RASGRF2: variants seen among roughly 807,000 people sequenced by gnomAD.
The protein encoded by RASGRF2 is ras-specific guanine nucleotide-releasing factor 2.
RASGRF2 carries 76 observed loss-of-function variants against 151.0 expected under a neutral mutation model. That is an observed-to-expected ratio of 0.50 (90% CI 0.42 to 0.61). The LOEUF (loss-of-function observed/expected upper bound fraction) is 0.61. Among genes scored for constraint, RASGRF2 ranks in the 20% least tolerant of loss-of-function variants. The probability of loss-of-function intolerance (pLI) is 0.00; values close to 1 mark genes in which losing one functional copy is unlikely to be tolerated. For synonymous variants in RASGRF2, 504 were observed against 566.5 expected (o/e 0.89, Z 1.57); for missense variants, 1,148 against 1,564.6 (o/e 0.73, Z 4.49).
rs143787281 is a variant in RASGRF2, at chr5:81,063,651, G to A, written c.396-4381G>A. On this transcript the variant is annotated intron_variant, in intron 2 of 26. Coordinates refer to ENST00000265080, the MANE Select transcript of RASGRF2 (RefSeq NM_006909.3). ...TTGGATCTATACTCTAGGTTACTCA[G>A]TTTTCCTTTTATATTTCCAATCTCT... Among the ~76,000 whole-genome samples, 140 of 152,102 alleles carry A rather than the reference G, an allele frequency of 9.2e-4. 2 individuals carry two copies. The East Asian group carries it at 0.022, about 24-fold the overall frequency.
intron 1 of RASGRF2, among the ~76,000 whole-genome samples, chr5:80,970,478 T>G (rs912107866): frequency 6.6e-6 from 1 of 152,176 alleles, no homozygotes; most frequent in African/African-American, 2.4e-5. Flanking sequence ...CTTTGGATAT[T>G]GCTGCTGGCC....
chr5:81,215,267 C>CTTTTT (rs772223510), intron 23 of RASGRF2, among the ~76,000 whole-genome samples: 6 of 119,784 alleles, frequency 5.0e-5, no homozygotes, highest in Admixed American at 9.0e-5. Flanking sequence ...AATATAGAAT[C>CTTTTT]TTTTTTTTTT....
At chr5:80,971,903 T>C (rs1283100305) in intron 1 of RASGRF2, among the ~76,000 whole-genome samples, 1 of 150,992 alleles carries the variant, frequency 6.6e-6, no homozygotes, top group East Asian at 1.9e-4. Flanking sequence ...TATTTTATTT[T>C]TTATTTTTTT....
At chr5:80,987,882 T>A (rs1437822746) in intron 1 of RASGRF2, among the ~76,000 whole-genome samples, 1 of 152,170 alleles carries the variant, frequency 6.6e-6, no homozygotes, top group Non-Finnish European at 1.5e-5. Context: ...ATCCAAGCAT[T>A]ATTTTCTTAG....
intron 2 of RASGRF2, among the ~76,000 whole-genome samples, chr5:81,056,450 C>A (rs2112426070): frequency 6.6e-6 from 1 of 152,286 alleles, no homozygotes; most frequent in African/African-American, 2.4e-5. Context: ...GAGTGAGTTT[C>A]TTAATCCTGA....
intron 17 of RASGRF2, among the ~76,000 whole-genome samples, chr5:81,167,102 C>T (rs925629546): frequency 6.6e-6 from 1 of 152,180 alleles, no homozygotes; most frequent in African/African-American, 2.4e-5. Flanking sequence ...CCACACTGAG[C>T]TGTTAGCACC....
chr5:81,172,468 T>TGC (rs1754680475), intron 17 of RASGRF2, among the ~76,000 whole-genome samples: 1 of 151,546 alleles, frequency 6.6e-6, no homozygotes, highest in Non-Finnish European at 1.5e-5. Flanking sequence ...TGTGTGTGTG[T>TGC]GTGTGTTTAT....
intron 1 of RASGRF2, among the ~76,000 whole-genome samples, chr5:80,969,963 A>T (rs1217991278): frequency 2.0e-5 from 3 of 151,354 alleles, no homozygotes; most frequent in Non-Finnish European, 4.4e-5. Context: ...AGTAGCTGGG[A>T]TTACAGGCAT....
chr5:81,170,867 T>C (rs1754642815), intron 17 of RASGRF2, among the ~76,000 whole-genome samples: 1 of 152,146 alleles, frequency 6.6e-6, no homozygotes, highest in Non-Finnish European at 1.5e-5. Flanking sequence ...AAAAGAAAAC[T>C]CCTACCCATT....
At chr5:80,987,331 G>A (rs939665305) in intron 1 of RASGRF2, among the ~76,000 whole-genome samples, 2 of 152,136 alleles carry the variant, frequency 1.3e-5, no homozygotes, top group African/African-American at 2.4e-5. Flanking sequence ...AAGTCCTTGC[G>A]GGCAGGAACC....
chr5:81,149,953 G>T (rs888390594), intron 17 of RASGRF2, among the ~76,000 whole-genome samples: 1 of 152,184 alleles, frequency 6.6e-6, no homozygotes, highest in African/African-American at 2.4e-5. Flanking sequence ...GGAGGATACA[G>T]TTAGGAAGCT....
chr5:81,142,952 C>G (rs1753918973), intron 17 of RASGRF2, among the ~76,000 whole-genome samples: 1 of 151,976 alleles, frequency 6.6e-6, no homozygotes, highest in Non-Finnish European at 1.5e-5. Context: ...GTAAATTGCT[C>G]TCAGGATGTG....
rs953230719 is a variant in RASGRF2, at chr5:80,970,909, T to G, written c.288+9883T>G. 3.3e-5 allele frequency among the ~76,000 whole-genome samples: 5 copies of G among 152,298 alleles called. No homozygotes were observed. The South Asian group carries it at 1.0e-3, about 32-fold the overall frequency. On this transcript the variant is annotated intron_variant, in intron 1 of 26. Coordinates refer to ENST00000265080, the MANE Select transcript of RASGRF2 (RefSeq NM_006909.3). ...ACATTCTCTTCCTTCAGTAGCAGTT[T>G]TACATCCTCACCTTATCAACAAGAT...
intron 18 of RASGRF2, among the ~76,000 whole-genome samples, chr5:81,193,845 A>G (rs2112699425): frequency 6.6e-6 from 1 of 152,302 alleles, no homozygotes; most frequent in South Asian, 2.1e-4. Context: ...CAAGAGGTTG[A>G]GTGGTTAGAA....
At chr5:81,164,112 A>T (rs1754451178) in intron 17 of RASGRF2, among the ~76,000 whole-genome samples, 1 of 152,218 alleles carries the variant, frequency 6.6e-6, no homozygotes, top group African/African-American at 2.4e-5. Context: ...TGTTAGCTAT[A>T]AAATAATTAT....
intron 17 of RASGRF2, among the ~76,000 whole-genome samples, chr5:81,164,791 G>A (rs932024722): frequency 2.4e-4 from 36 of 152,172 alleles, no homozygotes; most frequent in Admixed American, 6.5e-4. Flanking sequence ...TGTAGAGGGA[G>A]GAATGATGAA....
chr5:81,207,416 C>A, intron 21 of RASGRF2, 67 bp downstream of exon 21: 1 of 1,372,910 alleles, frequency 7.3e-7, no homozygotes, highest in South Asian at 1.2e-5. Context: ...GACATTATTC[C>A]TAAGGCAGGT....
chr5:81,063,443 C>T (rs1174942152), intron 2 of RASGRF2, among the ~76,000 whole-genome samples: 1 of 152,110 alleles, frequency 6.6e-6, no homozygotes, highest in Non-Finnish European at 1.5e-5. Context: ...GACAGAGTTT[C>T]ACCATGTTGG....
chr5:81,034,069 C>T (rs1334903461), intron 1 of RASGRF2, among the ~76,000 whole-genome samples: 1 of 152,154 alleles, frequency 6.6e-6, no homozygotes, highest in African/African-American at 2.4e-5. Flanking sequence ...CACTGGCCAA[C>T]AGAGAAATGC....
Sources: gnomAD v4.1 joint callset for allele counts (sites outside exome capture counted in the v4.1 genomes callset) on GRCh38, gnomAD v4.1.1 for gene constraint, MANE v1.5 for transcripts, NCBI Gene and HGNC (gene_info 2026-07-23, HGNC 2026-07-21) for gene names.